TATDN2: variants seen among roughly 807,000 people sequenced by gnomAD.
TATDN2 encodes 3'-5' RNA nuclease TATDN2.
TATDN2 carries 44 observed loss-of-function variants against 60.3 expected under a neutral mutation model. The observed-to-expected ratio is 0.73, with a 90% CI of 0.57 to 0.94. TATDN2 has a LOEUF of 0.94. Among genes scored for constraint, TATDN2 ranks in the 40% least tolerant of loss-of-function variants. The probability of loss-of-function intolerance (pLI) is 0.00; values close to 1 mark genes in which losing one functional copy is unlikely to be tolerated. For synonymous variants in TATDN2, 399 were observed against 355.8 expected (o/e 1.12, Z -1.37); for missense variants, 997 against 948.0 (o/e 1.05, Z -0.68).
At chr3:10,257,134 TAGCC>T (rs1451211919) in intron 2 of TATDN2, among the ~76,000 whole-genome samples, 1 of 147,702 alleles carries the variant, frequency 6.8e-6, no homozygotes, top group Non-Finnish European at 1.5e-5. Flanking sequence ...AAAAAAAAAT[TAGCC>T]AGGTGTGGTG....
At chr3:10,272,509 GCT>G (rs1404331019) in intron 4 of TATDN2, among the ~76,000 whole-genome samples, 13 of 151,682 alleles carry the variant, frequency 8.6e-5, no homozygotes, top group African/African-American at 1.5e-4. Context: ...CATGATATTG[GCT>G]CACTGCAGCC....
At chr3:10,263,061 C>T (rs761483646) in intron 3 of TATDN2, among the ~76,000 whole-genome samples, 7 of 151,888 alleles carry the variant, frequency 4.6e-5, no homozygotes, top group Non-Finnish European at 8.8e-5. Flanking sequence ...CCACCACACC[C>T]GGCTAATTTT....
At position 10,260,361 on chromosome 3, in the gene TATDN2, C is replaced by G. The variant is rs2241313; in HGVS notation, c.639C>G (p.Ser213Arg). Reference protein sequence around the residue: ...KGEAATRAKPSAAEHPSHGEG... With the variant: ...KGEAATRAKPRAAEHPSHGEG... ...AGGCTGCCACTCGGGCAAAACCAAG[C>G]GCAGCAGAGCATCCCAGCCATGGAG... The change falls in exon 3 of 8, where the codon AGC becomes AGG. Residue 213 changes from serine (S) to arginine (R), a missense_variant. By Grantham distance (110) the Ser-to-Arg change is moderately radical (BLOSUM62 -1). Transcript: ENST00000448281. 3.1e-6 allele frequency: 5 copies of G among 1,613,716 alleles called. No homozygotes were observed. The Admixed American group carries it at 6.7e-5, about 22-fold the overall frequency.
In TATDN2 at chr3:10,278,131, C is replaced by T; in HGVS notation, c.1962-148C>T. The stretch of plus-strand genomic sequence containing the variant: ...CGGGGCTTCCTGTGTTGGAGCCAGC[C>T]CTTGTCTGTGTTTACTGTGGAGTCC... On this transcript the variant is annotated intron_variant, in intron 5 of 7. Coordinates refer to ENST00000448281, the MANE Select transcript of TATDN2 (RefSeq NM_014760.4). This position sits in a 1 kb window ranked among gnomAD's most constrained non-coding sequence, Gnocchi z 4.7. The T allele has an allele frequency of 1.1e-6, 1 of 925,458 alleles. No individual in the cohort carries two copies. The highest frequency in any genetic ancestry group is 1.6e-6 in the Non-Finnish European group (1 of 610,772). The allele number at this position is 925,458 out of a possible 1,614,324, so 57.3% of individuals were successfully genotyped here. A position where few individuals can be genotyped will look rare whatever the true frequency, so the allele number is the denominator to read the frequency against.
intron 4 of TATDN2, among the ~76,000 whole-genome samples, chr3:10,274,040 C>A (rs1403871047): frequency 2.0e-5 from 3 of 152,168 alleles, no homozygotes; most frequent in Non-Finnish European, 1.5e-5. Context: ...TCTGGAATCC[C>A]TGGAAATAAT....
chr3:10,248,952 GC>G lies in TATDN2; in HGVS notation c.-121del, dbSNP rs1164731855. The G allele has an allele frequency of 2.4e-6, 1 of 417,038 alleles. No homozygotes were observed. Among genetic ancestry groups the G allele is most frequent in the Non-Finnish European group, 4.2e-6 (1 of 240,482 alleles). The allele number at this position is 417,038 out of a possible 1,614,324, so 25.8% of individuals were successfully genotyped here. A position where few individuals can be genotyped will look rare whatever the true frequency, so the allele number is the denominator to read the frequency against. ...TCCTGATCTCAGAAGCACGTTGTGG[GC>G]TTGGAAACCGACGGCAGCCTTTAGT... On this transcript the variant is annotated 5_prime_UTR_variant, in exon 1 of 8. Coordinates refer to ENST00000448281, the MANE Select transcript of TATDN2 (RefSeq NM_014760.4).
chr3:10,253,552 C>G (rs1057421904), intron 2 of TATDN2, among the ~76,000 whole-genome samples: 2 of 152,166 alleles, frequency 1.3e-5, no homozygotes, highest in African/African-American at 4.8e-5. Context: ...AACTGTGTGA[C>G]GAGCACCTTC....
At chr3:10,277,376 C>T (rs1299787490) in intron 5 of TATDN2, among the ~76,000 whole-genome samples, 1 of 152,158 alleles carries the variant, frequency 6.6e-6, no homozygotes, top group Non-Finnish European at 1.5e-5. Context: ...TGGATGGTGG[C>T]TTCTGCCTAC....
chr3:10,257,701 C>G (rs1165726601), intron 2 of TATDN2, among the ~76,000 whole-genome samples: 1 of 150,780 alleles, frequency 6.6e-6, no homozygotes, highest in East Asian at 1.9e-4. Flanking sequence ...AGAAAATTTA[C>G]TAAGTCCACA....
chr3:10,276,347 G>A lies in TATDN2; in HGVS notation c.1834-14G>A, dbSNP rs372082997. The A allele has an allele frequency of 3.0e-4, 487 of 1,613,282 alleles. No individual in the cohort carries two copies. Among genetic ancestry groups the A allele is most frequent in the Non-Finnish European group, 3.9e-4 (458 of 1,179,694 alleles). Reference sequence around the variant, plus strand: ...CTGCTAACCAACAGGGGTTGTCGCTGTGTCCTCTCCTAGGTATTTGAGAGA... The same window carrying A: ...CTGCTAACCAACAGGGGTTGTCGCTATGTCCTCTCCTAGGTATTTGAGAGA... On this transcript the variant is annotated splice_polypyrimidine_tract_variant and intron_variant, in intron 4 of 7. Transcript: ENST00000448281.
At chr3:10,267,843 A>G (rs889754725) in intron 3 of TATDN2, among the ~76,000 whole-genome samples, 6 of 152,242 alleles carry the variant, frequency 3.9e-5, no homozygotes, top group African/African-American at 1.4e-4. Context: ...GTGCACCTAT[A>G]CAAAAGTAGA....
rs1443410858 is a variant in TATDN2 at position 10,260,363 on chromosome 3, C to A, written c.641C>A (p.Ala214Glu). The change falls in exon 3 of 8, where the codon GCA becomes GAA. Residue 214 changes from alanine to glutamate, a missense_variant. Coordinates refer to ENST00000448281, the MANE Select transcript of TATDN2 (RefSeq NM_014760.4). ...GEAATRAKPS[A>E]AEHPSHGEGP... ...GCTGCCACTCGGGCAAAACCAAGCG[C>A]AGCAGAGCATCCCAGCCATGGAGAA... 1.9e-6 allele frequency: 3 copies of A among 1,614,066 alleles called. No individual in the cohort carries two copies. The highest frequency in any genetic ancestry group is 1.3e-5 in the African/African-American group (1 of 74,928).
At chr3:10,257,659 C>T (rs191032669) in intron 2 of TATDN2, among the ~76,000 whole-genome samples, 11 of 147,116 alleles carry the variant, frequency 7.5e-5, no homozygotes, top group Admixed American at 2.7e-4. Context: ...AACAAATAAT[C>T]TCTGTAGACA....
At chr3:10,267,088 T>G (rs11707451) in intron 3 of TATDN2, among the ~76,000 whole-genome samples, 7,238 of 152,034 alleles carry the variant, frequency 0.048, 377 homozygotes, top group Admixed American at 0.16. Context: ...TTTGGCTAGT[T>G]TTTTGTATCT....
At chr3:10,249,108 C>T in intron 1 of TATDN2, 41 bp downstream of exon 1, 2 of 1,453,110 alleles carry the variant, frequency 1.4e-6, no homozygotes, top group African/African-American at 1.4e-5. Context: ...TATGTCTTGC[C>T]GTCCTCCTGG....
chr3:10,254,458 T>C (rs900084457), intron 2 of TATDN2, among the ~76,000 whole-genome samples: 1 of 152,208 alleles, frequency 6.6e-6, no homozygotes, highest in Non-Finnish European at 1.5e-5. Flanking sequence ...CGTGCTCTCC[T>C]GCGTTCCCTG....
At chr3:10,276,243 C>A in intron 4 of TATDN2, 118 bp from the exon 5 acceptor site, 2 of 1,274,152 alleles carry the variant, frequency 1.6e-6, no homozygotes, top group Non-Finnish European at 2.2e-6. Context: ...GCTATTATTA[C>A]ATTATATAGT....
chr3:10,276,621 C>T, intron 5 of TATDN2, 133 bp downstream of exon 5: 1 of 1,279,052 alleles, frequency 7.8e-7, no homozygotes, highest in Non-Finnish European at 1.0e-6. Context: ...CGGAATCTCA[C>T]CCTGTCGCCC....
chr3:10,278,746 TCCCTGC>T lies in TATDN2; in HGVS notation c.2146-138_2146-133del. Reference sequence around the variant, plus strand: ...CCCAGAGCCCCCATGACTAGGACTCTCCCTGCACCTGCAGGTAAAGGGGTCTCTACA... The same window carrying T: ...CCCAGAGCCCCCATGACTAGGACTCTACCTGCAGGTAAAGGGGTCTCTACA... On this transcript the variant is annotated intron_variant, in intron 6 of 7. Coordinates refer to ENST00000448281, the MANE Select transcript of TATDN2 (RefSeq NM_014760.4). The surrounding 1 kb of genome is among the most constrained non-coding windows in gnomAD (Gnocchi z 4.7). 1 of 1,318,116 alleles carries T rather than the reference TCCCTGC, an allele frequency of 7.6e-7. No homozygotes were observed. Among genetic ancestry groups the T allele is most frequent in the Non-Finnish European group, 1.1e-6 (1 of 940,980 alleles). The allele number at this position is 1,318,116 out of a possible 1,614,324, so 81.7% of individuals were successfully genotyped here. A position where few individuals can be genotyped will look rare whatever the true frequency, so the allele number is the denominator to read the frequency against.
Sources: gnomAD v4.1 joint callset for allele counts (sites outside exome capture counted in the v4.1 genomes callset) on GRCh38, gnomAD v4.1.1 for gene constraint, Gnocchi (gnomAD v3.1) non-coding constraint, MANE v1.5 for transcripts, NCBI Gene and HGNC (gene_info 2026-07-23, HGNC 2026-07-21) for gene names.